Variants in JAKMIP3 observed in about 807,000 individuals in gnomAD.
JAKMIP3 encodes Janus kinase and microtubule interacting protein 3.
Under a neutral mutation model 118.5 loss-of-function variants are expected in JAKMIP3, and 58 were observed. The observed-to-expected ratio is 0.49, with a 90% CI of 0.40 to 0.61. The LOEUF is 0.61. JAKMIP3 is among the 20% of genes least tolerant of loss of function. JAKMIP3 has a pLI of 0.00. For missense variants in JAKMIP3, 950 were observed against 1,109.0 expected (o/e 0.86, Z 2.04); for synonymous variants, 486 against 451.2 (o/e 1.08, Z -0.98).
chr10:132,164,571 G>T, intron 20 of JAKMIP3, 99 bp from the exon 21 acceptor site: 1 of 804,222 alleles, frequency 1.2e-6, no homozygotes, highest in Non-Finnish European at 2.1e-6. Context: ...CAGCTGCTCT[G>T]CGACGATCTG....
chr10:132,101,659 G>C (rs987064572), intron 1 of JAKMIP3, among the ~76,000 whole-genome samples: 3 of 152,050 alleles, frequency 2.0e-5, no homozygotes, highest in Non-Finnish European at 4.4e-5. Flanking sequence ...AGAGTGGTGC[G>C]GCAGCCAGGA....
At chr10:132,046,299 G>T (rs1198751897) in intron 1 of JAKMIP3, among the ~76,000 whole-genome samples, 4 of 152,008 alleles carry the variant, frequency 2.6e-5, no homozygotes, top group African/African-American at 7.2e-5. Flanking sequence ...ACTAAAAATA[G>T]AAAAAAAATA....
At chr10:132,085,376 G>A (rs367923115) in intron 1 of JAKMIP3, among the ~76,000 whole-genome samples, 2 of 152,082 alleles carry the variant, frequency 1.3e-5, no homozygotes, top group South Asian at 2.1e-4. Flanking sequence ...TAGTAGCCTT[G>A]AATGATCTTT....
At chr10:132,131,796 C>T (rs1041674956) in intron 3 of JAKMIP3, among the ~76,000 whole-genome samples, 5 of 152,106 alleles carry the variant, frequency 3.3e-5, no homozygotes, top group African/African-American at 9.6e-5. Flanking sequence ...GCTCTTCCCC[C>T]GGGTGTCTGT....
chr10:132,120,737 C>T (rs2048407406), intron 3 of JAKMIP3, among the ~76,000 whole-genome samples: 1 of 152,186 alleles, frequency 6.6e-6, no homozygotes, highest in African/African-American at 2.4e-5. Flanking sequence ...ATGGGGCCCC[C>T]TTGCCTAACT....
rs758624911 is a variant in JAKMIP3 at position 132,117,325 on chromosome 10, C to G, written c.384C>G (p.Pro128=). 2.5e-6 allele frequency: 4 copies of G among 1,613,810 alleles called. No individual in the cohort carries two copies. The highest frequency in any genetic ancestry group is 2.7e-5 in the African/African-American group (2 of 74,918). The stretch of plus-strand genomic sequence containing the variant: ...TCAGTGCCCTGCGTGATGGCGGCCC[C>G]GAAAAGGTCAAGACCGTGCTGCTGT... The part of the protein sequence containing the change: ...ALLSALRDGG[P]EKVKTVLLSE... The change falls in exon 3 of 24, where the codon CCC becomes CCG. Residue 128 remains proline, a synonymous_variant. Coordinates refer to ENST00000684848, the MANE Select transcript of JAKMIP3 (RefSeq NM_001323087.2). This position sits in a 1 kb window ranked among gnomAD's most constrained non-coding sequence, Gnocchi z 8.6.
intron 19 of JAKMIP3, among the ~76,000 whole-genome samples, chr10:132,162,201 G>T (rs997705966): frequency 1.3e-5 from 2 of 152,218 alleles, no homozygotes; most frequent in Non-Finnish European, 2.9e-5. Context: ...TATGGCAGGG[G>T]CTAGTGCCGA....
intron 18 of JAKMIP3, 24 bp downstream of exon 18, chr10:132,153,851 T>TC: frequency 6.2e-7 from 1 of 1,612,638 alleles, no homozygotes; most frequent in Non-Finnish European, 8.5e-7. Context: ...TCACCGAGGT[T>TC]CTGCGGCTCG....
At chr10:132,103,187 C>G (rs1168652716) in intron 1 of JAKMIP3, among the ~76,000 whole-genome samples, 1 of 151,722 alleles carries the variant, frequency 6.6e-6, no homozygotes, top group African/African-American at 2.4e-5. Flanking sequence ...TGCTTTTTTC[C>G]CTCTGTCGGG....
upstream of JAKMIP3, among the ~76,000 whole-genome samples, chr10:132,063,674 C>T (rs966084217): frequency 6.6e-6 from 1 of 152,170 alleles, no homozygotes; most frequent in Non-Finnish European, 1.5e-5. Flanking sequence ...GGACCGTCTG[C>T]AAGGGGCACG....
intron 19 of JAKMIP3, among the ~76,000 whole-genome samples, chr10:132,159,630 T>A (rs2057690409): frequency 1.3e-5 from 1 of 78,184 alleles, no homozygotes; most frequent in Admixed American, 1.6e-4. Flanking sequence ...GTCCTCTTCC[T>A]TTGTGATGCT....
At chr10:132,135,018 T>C in intron 4 of JAKMIP3, 23 bp from the exon 5 acceptor site, 1 of 1,611,098 alleles carries the variant, frequency 6.2e-7, no homozygotes. Context: ...GGAACCGTTA[T>C]TTGCAGTTGA....
At chr10:132,141,200 C>G (rs1200949137) in intron 10 of JAKMIP3, among the ~76,000 whole-genome samples, 1 of 152,152 alleles carries the variant, frequency 6.6e-6, no homozygotes, top group Non-Finnish European at 1.5e-5. Flanking sequence ...CGTGGCAGAC[C>G]CTGGAGGGTG....
At chr10:132,171,844 G>A (rs946850756) in intron 23 of JAKMIP3, among the ~76,000 whole-genome samples, 28 of 151,980 alleles carry the variant, frequency 1.8e-4, no homozygotes, top group African/African-American at 5.8e-4. Context: ...TAGTAGAGAC[G>A]GGGGTTTCAC....
At chr10:132,148,468 C>T (rs2055118101) in intron 14 of JAKMIP3, among the ~76,000 whole-genome samples, 1 of 96,146 alleles carries the variant, frequency 1.0e-5, no homozygotes, top group South Asian at 4.0e-4. Context: ...CGTCCTCCAT[C>T]CGCCCGTCCT....
chr10:132,038,901 C>A (rs371879820), intron 1 of JAKMIP3, among the ~76,000 whole-genome samples: 28 of 151,730 alleles, frequency 1.8e-4, no homozygotes, highest in Admixed American at 6.6e-4. Context: ...TGTTAGGGTA[C>A]AAGAGCTGGG....
chr10:132,046,644 CA>C (rs1477287518), intron 1 of JAKMIP3, among the ~76,000 whole-genome samples: 7 of 152,188 alleles, frequency 4.6e-5, no homozygotes, highest in African/African-American at 1.7e-4. Context: ...TCTTTTAAAT[CA>C]AGCTGTCATG....
chr10:132,066,228 CA>C, intron 1 of JAKMIP3, among the ~76,000 whole-genome samples, 167 bp downstream of exon 1: 1 of 152,332 alleles, frequency 6.6e-6, no homozygotes, highest in Admixed American at 6.5e-5. Context: ...GGGACGATCA[CA>C]GAGGAAGATG....
At chr10:132,143,659 G>A (rs1484759232) in intron 11 of JAKMIP3, 2 of 152,212 alleles carry the variant, frequency 1.3e-5, no homozygotes, top group Non-Finnish European at 2.9e-5. Flanking sequence ...AAATAGACTA[G>A]CCGGCATCCC....
Sources: gnomAD v4.1 joint callset for allele counts (sites outside exome capture counted in the v4.1 genomes callset) on GRCh38, gnomAD v4.1.1 for gene constraint, Gnocchi (gnomAD v3.1) non-coding constraint, MANE v1.5 for transcripts, NCBI Gene and HGNC (gene_info 2026-07-23, HGNC 2026-07-21) for gene names.